NDUFA9: variants seen among roughly 807,000 people sequenced by gnomAD.
NDUFA9 encodes the protein NADH:ubiquinone oxidoreductase subunit A9, also known as NADH dehydrogenase [ubiquinone] 1 alpha subcomplex subunit 9, mitochondrial.
NDUFA9 carries 23 observed loss-of-function variants against 45.9 expected under a neutral mutation model. The ratio of observed to expected loss-of-function variants is 0.50; its 90% CI spans 0.36 to 0.71. The LOEUF (loss-of-function observed/expected upper bound fraction) is 0.71, where lower values mean the gene tolerates loss of function less well. NDUFA9 is among the 30% of genes least tolerant of loss of function. NDUFA9 has a pLI of 0.00. For synonymous variants in NDUFA9, 176 were observed against 170.5 expected, an observed-to-expected ratio of 1.03 and a Z score of -0.25; for missense variants, 466 against 488.2, an observed-to-expected ratio of 0.95 and a Z score of 0.43.
In NDUFA9 at chr12:4,688,480, G is replaced by GAAAAAAAAAAAAAAAAAAAA. The variant is rs541489554; in HGVS notation, c.*1389_*1390insAAAAAAAAAAAAAAAAAAAA. On this transcript the variant is annotated 3_prime_UTR_variant, in exon 11 of 11. Transcript: ENST00000266544. ...AGCTTGGACTGAAGATCCTGTCTCAGAAAAAAAAAAAAAAAAAGGCAGAAT... is the reference window on the plus strand; with the variant it reads ...AGCTTGGACTGAAGATCCTGTCTCAGAAAAAAAAAAAAAAAAAAAAAAAAAAAAAAAAAAAAAGGCAGAAT... The GAAAAAAAAAAAAAAAAAAAA allele has an allele frequency of 7.6e-6, 1 of 132,038 alleles. No homozygotes were observed. Among genetic ancestry groups the GAAAAAAAAAAAAAAAAAAAA allele is most frequent in the Non-Finnish European group, 1.6e-5 (1 of 63,382 alleles). 8.2% of individuals were successfully genotyped at this position (132,038 alleles called of 1,614,324 possible).
In NDUFA9 at chr12:4,658,912, A is replaced by G. The variant is rs1467353245; in HGVS notation, c.411-124A>G. 5 of 1,042,240 alleles carry G rather than the reference A, an allele frequency of 4.8e-6. No individual in the cohort carries two copies. In the South Asian group the frequency reaches 8.1e-5, roughly 17 times the overall value. The allele number at this position is 1,042,240 out of a possible 1,614,324, so 64.6% of individuals were successfully genotyped here. On this transcript the variant is annotated intron_variant, in intron 4 of 10. Transcript: ENST00000266544. ...GCCAAATTTAGCTTTAAGTTAAATC[A>G]TTGCTGTTTAAAAGTTTAAGTAGTG...
chr12:4,680,803 G>T lies in NDUFA9; in HGVS notation c.801-1402G>T, dbSNP rs367995735. 3.9e-4 allele frequency among the ~76,000 whole-genome samples: 59 copies of T among 152,264 alleles called. 3 individuals carry two copies. In the South Asian group the frequency reaches 0.012, roughly 32 times the overall value. The stretch of plus-strand genomic sequence containing the variant: ...CTGAATTACCTTCACTCAGCTCTTG[G>T]TTGTCACAGATTTACTGTCATGAAG... On this transcript the variant is annotated intron_variant, in intron 8 of 10. Transcript: ENST00000266544.
chr12:4,667,285 C>A (rs1444002934), intron 6 of NDUFA9, among the ~76,000 whole-genome samples: 1 of 152,282 alleles, frequency 6.6e-6, no homozygotes, highest in Non-Finnish European at 1.5e-5. Context: ...GTTCCTATCA[C>A]ATTGGCAACA....
intron 1 of NDUFA9, chr12:4,653,705 CT>C (rs200108366): frequency 0.22 from 72,485 of 325,536 alleles, 2 homozygotes; most frequent in South Asian, 0.34. Flanking sequence ...GAACTGCATT[CT>C]TTTTTTTTTT....
Position 4,682,285 on chromosome 12 carries a change from C to A in NDUFA9, c.881C>A (p.Pro294Gln). ...AHRLFLPFPL[P>Q]LFAYRWVARV... is the part of the protein sequence containing the mutation. ...AGATTGTTCCTCCCATTCCCCTTGC[C>A]GCTTTTTGCCTATCGGTAAGTAGAG... Residue 294 changes from proline (P) to glutamine (Q), a missense_variant, in exon 9 of 11, where the codon CCG becomes CAG. Pro to Gln is a moderately conservative substitution (Grantham distance 76). Transcript: ENST00000266544. 1 of 1,611,962 alleles carries A rather than the reference C, an allele frequency of 6.2e-7. No homozygotes were observed. The highest frequency in any genetic ancestry group is 8.5e-7 in the Non-Finnish European group (1 of 1,178,340).
Position 4,654,371 on chromosome 12 carries a change from T to C in NDUFA9, c.129T>C (p.His43=). 6.2e-7 allele frequency: 1 copy of C among 1,614,156 alleles called. No homozygotes were observed. Among genetic ancestry groups the C allele is most frequent in the Non-Finnish European group, 8.5e-7 (1 of 1,179,998 alleles). The change falls in exon 2 of 11, where the codon CAT becomes CAC. Residue 43 remains histidine, a synonymous_variant. Transcript: ENST00000266544. ...AGCTTCATCATGCCCTCATGCCTCA[T>C]GGGAAAGGTGGACGTTCCTCAGTCA... ...CRQLHHALMP[H]GKGGRSSVSG... is the part of the protein sequence containing the mutation.
chr12:4,665,559 T>C (rs1244838797), intron 6 of NDUFA9, among the ~76,000 whole-genome samples: 1 of 152,196 alleles, frequency 6.6e-6, no homozygotes, highest in Non-Finnish European at 1.5e-5. Context: ...GTACGAAATA[T>C]CCCTGATTTC....
chr12:4,686,987 T>A lies in NDUFA9; in HGVS notation c.1013T>A (p.Leu338His). ...CCTCACCTGCCTGGCTTAGAAGACC[T>A]TGGTATTCAGGCAACACCACTGGAA... Reference protein sequence around the residue: ...KLPHLPGLEDLGIQATPLELK... With the variant: ...KLPHLPGLEDHGIQATPLELK... The change falls in exon 11 of 11, where the codon CTT becomes CAT. Residue 338 changes from leucine to histidine, a missense_variant. Physicochemically the swap from Leu to His is moderately conservative, Grantham distance 99. Coordinates refer to ENST00000266544, the MANE Select transcript of NDUFA9 (RefSeq NM_005002.5). 1 of 1,614,168 alleles carries A rather than the reference T, an allele frequency of 6.2e-7. No individual in the cohort carries two copies. The highest frequency in any genetic ancestry group is 8.5e-7 in the Non-Finnish European group (1 of 1,180,032).
At chr12:4,680,669 C>A (rs1338629774) in intron 8 of NDUFA9, among the ~76,000 whole-genome samples, 2 of 152,190 alleles carry the variant, frequency 1.3e-5, no homozygotes, top group East Asian at 3.8e-4. Context: ...ATGATCCTTA[C>A]AAATCCCTCT....
intron 6 of NDUFA9, among the ~76,000 whole-genome samples, chr12:4,667,319 T>G (rs1945858733): frequency 6.6e-6 from 1 of 152,166 alleles, no homozygotes; most frequent in African/African-American, 2.4e-5. Flanking sequence ...GGGAACATAT[T>G]TAAACCATAG....
At chr12:4,667,826 A>G (rs1945862307) in intron 6 of NDUFA9, among the ~76,000 whole-genome samples, 1 of 129,696 alleles carries the variant, frequency 7.7e-6, no homozygotes, top group African/African-American at 2.8e-5. Context: ...CTACTCTTAA[A>G]TGGTTTAAAA....
At chr12:4,677,085 ACTGGCTAGCCATATGCAGAAAG>A (rs1430511157) in intron 8 of NDUFA9, among the ~76,000 whole-genome samples, 10 of 152,228 alleles carry the variant, frequency 6.6e-5, no homozygotes, top group Admixed American at 6.5e-4. Flanking sequence ...TGTTGGGAAA[ACTGGCTAGCCATATGCAGAAAG>A]CTGAAACTGG....
At chr12:4,649,266 C>T in intron 1 of NDUFA9, 91 bp downstream of exon 1, 1 of 1,436,568 alleles carries the variant, frequency 7.0e-7, no homozygotes, top group South Asian at 1.2e-5. Flanking sequence ...AGCGGTCACG[C>T]CAACTTCCTA....
intron 1 of NDUFA9, among the ~76,000 whole-genome samples, 169 bp from the exon 2 acceptor site, chr12:4,654,123 G>C (rs1038329293): frequency 2.0e-5 from 3 of 152,088 alleles, no homozygotes; most frequent in African/African-American, 7.2e-5. Flanking sequence ...ATGTCCTCTG[G>C]ATTCTGTGTC....
chr12:4,680,047 T>A (rs1945943507), intron 8 of NDUFA9, among the ~76,000 whole-genome samples: 1 of 152,066 alleles, frequency 6.6e-6, no homozygotes, highest in Non-Finnish European at 1.5e-5. Flanking sequence ...GGTTTGGCTG[T>A]GGGAATGTTA....
Position 4,657,743 on chromosome 12 carries a change from TATAGGA to T in NDUFA9, c.319-2_322del. The T allele has an allele frequency of 6.2e-7, 1 of 1,607,844 alleles. No homozygotes were observed. The highest frequency in any genetic ancestry group is 8.5e-7 in the Non-Finnish European group (1 of 1,174,934). ...TTTTCATCCGATTGCTTTCTGCTAT[TATAGGA>T]ATGGGACGCGAGAGATAAAGATTCT... On this transcript the variant is annotated splice_acceptor_variant and splice_polypyrimidine_tract_variant and coding_sequence_variant and intron_variant, in exon 4 of 11. Transcript: ENST00000266544. LOFTEE classifies it high-confidence loss of function.
rs1393985728 is a variant in NDUFA9, at chr12:4,685,670, C to T, written c.963+345C>T. ...ACATCCTAACTCCTCCTAACTTCCTCCTAACGTCCTGAAGAAACTGTTGAC... is the reference window on the plus strand; with the variant it reads ...ACATCCTAACTCCTCCTAACTTCCTTCTAACGTCCTGAAGAAACTGTTGAC... On this transcript the variant is annotated intron_variant, in intron 10 of 10. Transcript: ENST00000266544. Among the ~76,000 whole-genome samples, 18 of 97,926 alleles carry T rather than the reference C, an allele frequency of 1.8e-4. No individual in the cohort carries two copies. In the Admixed American group the frequency reaches 1.9e-3, roughly 10 times the overall value. The allele number at this position is 97,926 out of a possible 152,430, so 64.2% of individuals were successfully genotyped here. A position where few individuals can be genotyped will look rare whatever the true frequency, so the allele number is the denominator to read the frequency against.
intron 10 of NDUFA9, among the ~76,000 whole-genome samples, chr12:4,685,956 C>A (rs887406812): frequency 6.6e-6 from 1 of 152,136 alleles, no homozygotes; most frequent in African/African-American, 2.4e-5. Context: ...CAAATTGTCC[C>A]CTGAATGCTG....
chr12:4,657,873 A>C (rs1341113750), intron 4 of NDUFA9, 34 bp downstream of exon 4: 1 of 1,529,486 alleles, frequency 6.5e-7, no homozygotes, highest in South Asian at 1.1e-5. Flanking sequence ...TCTTTGCTTA[A>C]GTCTTTCTTA....
Sources: gnomAD v4.1 joint callset for allele counts (sites outside exome capture counted in the v4.1 genomes callset) on GRCh38, gnomAD v4.1.1 for gene constraint, MANE v1.5 for transcripts, NCBI Gene and HGNC (gene_info 2026-07-23, HGNC 2026-07-21) for gene names.